Variants in ASTN1 observed in about 807,000 individuals in gnomAD.
ASTN1 encodes astrotactin-1.
A neutral mutation model predicts 140.7 loss-of-function variants in ASTN1; 41 were observed. That is an observed-to-expected ratio of 0.29 (90% CI 0.23 to 0.38). The LOEUF (loss-of-function observed/expected upper bound fraction) is 0.38. Ranked by LOEUF, ASTN1 falls within the 10% of genes least tolerant of loss-of-function variation. The pLI, the probability that ASTN1 is intolerant of heterozygous loss-of-function variation, is 1.00. For synonymous variants in ASTN1, 640 were observed against 652.2 expected, an observed-to-expected ratio of 0.98 and a Z score of 0.29; for missense variants, 1,479 against 1,678.8, an observed-to-expected ratio of 0.88 and a Z score of 2.08.
intron 11 of ASTN1, among the ~76,000 whole-genome samples, chr1:176,956,309 G>T (rs1672397421): frequency 6.6e-6 from 1 of 151,918 alleles, no homozygotes. Context: ...TCAGCCTCCT[G>T]TCAACTGCTG....
At position 176,965,219 on chromosome 1, in the gene ASTN1, T is replaced by C; in HGVS notation, c.1542A>G (p.Ile514Met). 6.2e-7 allele frequency: 1 copy of C among 1,613,992 alleles called. No individual in the cohort carries two copies. Reference protein sequence around the residue: ...GTNQGPWPYTIFQRGFDLVLG... With the variant: ...GTNQGPWPYTMFQRGFDLVLG... ...AAACCAGGTCAAAGCCTCGCTGAAA[T>C]ATTGTGTAAGGCCATGGCCTAAAAG... Residue 514 changes from isoleucine (I) to methionine (M), a missense_variant, in exon 9 of 23, where the codon ATA (isoleucine) becomes ATG (methionine). Physicochemically the swap from Ile to Met is conservative, Grantham distance 10 (BLOSUM62 1). Coordinates refer to ENST00000361833, the MANE Select transcript of ASTN1 (RefSeq NM_004319.3).
intron 8 of ASTN1, among the ~76,000 whole-genome samples, chr1:176,993,597 C>T (rs1404523353): frequency 2.0e-5 from 3 of 152,228 alleles, no homozygotes; most frequent in East Asian, 3.9e-4. Context: ...GCATTCATCT[C>T]GCTAATAGAC....
chr1:176,925,313 C>T (rs1670909405), intron 16 of ASTN1, among the ~76,000 whole-genome samples: 1 of 152,120 alleles, frequency 6.6e-6, no homozygotes, highest in Non-Finnish European at 1.5e-5. Flanking sequence ...AGAGAACACA[C>T]AGCCTTCAGG....
At chr1:177,032,367 CCAGCTGTTGTCACA>C in intron 3 of ASTN1, 75 bp downstream of exon 3, 1 of 1,504,810 alleles carries the variant, frequency 6.6e-7, no homozygotes, top group Non-Finnish European at 9.0e-7. Flanking sequence ...TGTAGGACAA[CCAGCTGTTGTCACA>C]CAGCTGTTCC....
intron 1 of ASTN1, among the ~76,000 whole-genome samples, chr1:177,141,477 A>G (rs916408564): frequency 6.6e-6 from 1 of 152,170 alleles, no homozygotes; most frequent in African/African-American, 2.4e-5. Flanking sequence ...GGGGAAAAAA[A>G]ACTGATCTGG....
Position 176,981,873 on chromosome 1 carries a change from C to T in ASTN1, c.1524-16636G>A, listed in dbSNP as rs1481509301. The T allele has an allele frequency of 2.6e-4, 39 of 152,400 alleles. 1 individual carries two copies. The highest frequency in any genetic ancestry group is 2.6e-3 in the Admixed American group (39 of 15,278). 9.4% of individuals were successfully genotyped at this position (152,400 alleles called of 1,614,324 possible). A position where few individuals can be genotyped will look rare whatever the true frequency, so the allele number is the denominator to read the frequency against. ...CAAATTTGAAGTGAAGATAACATTT[C>T]TATATGAGAAATGTTATCAAGTTTT... On this transcript the variant is annotated intron_variant, in intron 8 of 22. Coordinates refer to ENST00000361833, the MANE Select transcript of ASTN1 (RefSeq NM_004319.3).
chr1:177,072,845 G>C (rs1051023225), intron 1 of ASTN1, among the ~76,000 whole-genome samples: 2 of 152,116 alleles, frequency 1.3e-5, no homozygotes, highest in African/African-American at 4.8e-5. Context: ...CTGTAGTGCT[G>C]CTTGTGTTTG....
At chr1:177,106,821 T>G (rs1214382865) in intron 1 of ASTN1, among the ~76,000 whole-genome samples, 4 of 152,180 alleles carry the variant, frequency 2.6e-5, no homozygotes, top group Non-Finnish European at 5.9e-5. Context: ...GACACCATTC[T>G]CAGATAATCA....
At chr1:177,128,576 C>A (rs562570011) in intron 1 of ASTN1, among the ~76,000 whole-genome samples, 1 of 152,126 alleles carries the variant, frequency 6.6e-6, no homozygotes, top group East Asian at 1.9e-4. Flanking sequence ...GTGTATGCAC[C>A]AAATATGAGA....
At chr1:177,058,865 A>T (rs912378335) in intron 2 of ASTN1, among the ~76,000 whole-genome samples, 4 of 151,428 alleles carry the variant, frequency 2.6e-5, no homozygotes, top group African/African-American at 9.7e-5. Flanking sequence ...ACTTCTCTAG[A>T]AAACTTATTG....
chr1:177,123,985 G>A (rs574501670), intron 1 of ASTN1, among the ~76,000 whole-genome samples: 3 of 152,260 alleles, frequency 2.0e-5, no homozygotes, highest in Non-Finnish European at 2.9e-5. Context: ...TTGATTTAAG[G>A]GCATTTAATT....
intron 8 of ASTN1, among the ~76,000 whole-genome samples, chr1:176,968,138 G>A (rs1672963527): frequency 6.6e-6 from 1 of 152,208 alleles, no homozygotes; most frequent in South Asian, 2.1e-4. Context: ...ATCCTCATCT[G>A]TAAAATGAGG....
chr1:176,988,707 A>T (rs554829215), intron 8 of ASTN1, among the ~76,000 whole-genome samples: 1 of 152,204 alleles, frequency 6.6e-6, no homozygotes, highest in Non-Finnish European at 1.5e-5. Context: ...AGATCTTGGA[A>T]ACTTTTCAGA....
At chr1:177,072,531 G>T (rs989026183) in intron 1 of ASTN1, among the ~76,000 whole-genome samples, 17 of 152,158 alleles carry the variant, frequency 1.1e-4, no homozygotes, top group Non-Finnish European at 1.9e-4. Flanking sequence ...AATCCCTGCT[G>T]GGAGAATGAT....
At chr1:177,111,702 G>T (rs1421465764) in intron 1 of ASTN1, among the ~76,000 whole-genome samples, 1 of 152,148 alleles carries the variant, frequency 6.6e-6, no homozygotes, top group African/African-American at 2.4e-5. Context: ...GAGAGTTTAA[G>T]TGCATCATCT....
intron 1 of ASTN1, among the ~76,000 whole-genome samples, chr1:177,082,313 G>A (rs565769809): frequency 6.6e-6 from 1 of 152,268 alleles, no homozygotes; most frequent in African/African-American, 2.4e-5. Flanking sequence ...CTCTGGACCT[G>A]AGTTTCCTCC....
chr1:176,957,834 G>A lies in ASTN1; in HGVS notation c.1737-6C>T. On this transcript the variant is annotated splice_polypyrimidine_tract_variant and splice_region_variant and intron_variant, in intron 10 of 22. Transcript: ENST00000361833. ...ATGAAGTCATCAGCTCCTCTCTGTG[G>A]GGAGAAAGAGTGGGAAGCAGGGAGG... is the stretch of plus-strand genomic sequence containing the variant. The A allele has an allele frequency of 6.2e-7, 1 of 1,612,954 alleles. No homozygotes were observed. Among genetic ancestry groups the A allele is most frequent in the Non-Finnish European group, 8.5e-7 (1 of 1,179,536 alleles).
In ASTN1 at chr1:176,862,654, G is replaced by A. The variant is rs780784491; in HGVS notation, c.*1630C>T. The A allele has an allele frequency of 3.9e-5, 37 of 940,854 alleles. No homozygotes were observed. The highest frequency in any genetic ancestry group is 4.7e-5 in the Non-Finnish European group (37 of 789,692). The allele number at this position is 940,854 out of a possible 1,614,324, so 58.3% of individuals were successfully genotyped here. A position where few individuals can be genotyped will look rare whatever the true frequency, so the allele number is the denominator to read the frequency against. On this transcript the variant is annotated 3_prime_UTR_variant, in exon 23 of 23. Coordinates refer to ENST00000361833, the MANE Select transcript of ASTN1 (RefSeq NM_004319.3). ...ACTCAGTGTGAGTTACAGTGCACAAGGGATTTGAGGCAAGTTGTATAACCT... is the reference window on the plus strand; with the variant it reads ...ACTCAGTGTGAGTTACAGTGCACAAAGGATTTGAGGCAAGTTGTATAACCT...
intron 8 of ASTN1, among the ~76,000 whole-genome samples, chr1:176,979,909 G>T (rs1202893175): frequency 1.3e-5 from 2 of 152,100 alleles, no homozygotes; most frequent in Admixed American, 6.6e-5. Context: ...AACTTTCAAG[G>T]TAATAATTAT....
Sources: allele counts gnomAD v4.1 joint callset (sites outside exome capture counted in the v4.1 genomes callset), GRCh38; gene constraint gnomAD v4.1.1; transcripts MANE v1.5; gene names NCBI Gene and HGNC (gene_info 2026-07-23, HGNC 2026-07-21).